SLC6A13: variants seen among roughly 807,000 people sequenced by gnomAD.
SLC6A13 encodes the protein solute carrier family 6 member 13.
A neutral mutation model predicts 72.9 loss-of-function variants in SLC6A13; 69 were observed. That is an observed-to-expected ratio of 0.95 (90% confidence interval 0.78 to 1.16). The LOEUF is 1.16. SLC6A13 is among the 50% of genes most tolerant of loss of function. The pLI is 0.00. For synonymous variants in SLC6A13, 303 were observed against 303.0 expected (o/e 1.00, Z 0.00); for missense variants, 735 against 760.5 (o/e 0.97, Z 0.39).
intron 7 of SLC6A13, among the ~76,000 whole-genome samples, chr12:231,227 G>A (rs970369666): frequency 2.6e-5 from 4 of 152,230 alleles, no homozygotes; most frequent in East Asian, 1.9e-4. Context: ...TGGGGATACC[G>A]GGAAAGGCAG....
At chr12:261,031 G>C (rs1181838190) in intron 1 of SLC6A13, among the ~76,000 whole-genome samples, 1 of 152,178 alleles carries the variant, frequency 6.6e-6, no homozygotes, top group Admixed American at 6.5e-5. Flanking sequence ...ATCAGCGTAA[G>C]GCAGAGATTT....
At chr12:232,575 C>T (rs930964427) in intron 7 of SLC6A13, among the ~76,000 whole-genome samples, 7 of 152,212 alleles carry the variant, frequency 4.6e-5, no homozygotes, top group Non-Finnish European at 8.8e-5. Context: ...CAATGAGGAA[C>T]GTGCACTGGA....
chr12:253,995 A>G (rs892653238), intron 2 of SLC6A13, among the ~76,000 whole-genome samples: 2 of 152,232 alleles, frequency 1.3e-5, no homozygotes, highest in Non-Finnish European at 2.9e-5. Flanking sequence ...CCCGCTGGCT[A>G]TGGACAGTCC....
At chr12:238,375 T>C (rs373724486) in intron 4 of SLC6A13, 1 of 1,300,378 alleles carries the variant, frequency 7.7e-7, no homozygotes. Context: ...AAGTGATGTG[T>C]CAGAGTGGCC....
chr12:260,864 T>C (rs1305319759), intron 1 of SLC6A13, among the ~76,000 whole-genome samples: 1 of 152,222 alleles, frequency 6.6e-6, no homozygotes, highest in Non-Finnish European at 1.5e-5. Flanking sequence ...ATCTATATTT[T>C]CTACAATTAC....
chr12:257,524 G>T (rs960536498), intron 2 of SLC6A13, among the ~76,000 whole-genome samples: 1 of 152,298 alleles, frequency 6.6e-6, no homozygotes, highest in East Asian at 1.9e-4. Context: ...AACATGTCAG[G>T]ACTCTCCACC....
At chr12:238,158 C>A in intron 4 of SLC6A13, 148 bp from the exon 5 acceptor site, 1 of 1,537,678 alleles carries the variant, frequency 6.5e-7, no homozygotes, top group East Asian at 2.4e-5. Flanking sequence ...AACATCCTCC[C>A]ACACGTAATA....
At position 223,167 on chromosome 12, in the gene SLC6A13, G is replaced by A. The variant is rs775539678; in HGVS notation, c.1379C>T (p.Ala460Val). ...AASGMCLLFV[A>V]IFESLCVAWV... ...AGCCACACAGAGGGACTCGAAGATG[G>A]CCACGAACAGGAGGCACATGCCACT... Residue 460 changes from alanine (A) to valine (V), a missense_variant, in exon 12 of 15, where the codon GCC becomes GTC. Physicochemically the swap from Ala to Val is moderately conservative, Grantham distance 64. Coordinates refer to ENST00000343164, the MANE Select transcript of SLC6A13 (RefSeq NM_016615.5). 9.3e-6 allele frequency: 15 copies of A among 1,613,592 alleles called. No individual in the cohort carries two copies. Among genetic ancestry groups the A allele is most frequent in the African/African-American group, 1.3e-5 (1 of 74,926 alleles).
intron 2 of SLC6A13, among the ~76,000 whole-genome samples, chr12:258,650 G>T: frequency 6.6e-6 from 1 of 152,208 alleles, no homozygotes; most frequent in Non-Finnish European, 1.5e-5. Flanking sequence ...CCCTCCAGTA[G>T]TTGGGAAATC....
rs756642544 is a variant in SLC6A13 at position 259,751 on chromosome 12, C to T, written c.202+100G>A. ...TAAGCGTCCTCCTACCTCCAGAATT[C>T]TATACATCTATGGGACTCCCCAGAG... On this transcript the variant is annotated intron_variant, in intron 2 of 14. Coordinates refer to ENST00000343164, the MANE Select transcript of SLC6A13 (RefSeq NM_016615.5). 3.7e-6 allele frequency: 6 copies of T among 1,611,772 alleles called. No homozygotes were observed. In the African/African-American group the frequency reaches 6.7e-5, roughly 18 times the overall value.
Position 259,849 on chromosome 12 carries a change from A to C in SLC6A13, c.202+2T>G, listed in dbSNP as rs754606429. ...GGGGTGGCACAAGGGCTCTCATCTC[A>C]CCTCCCCCATTTTTGTAGCAGAGAT... On this transcript the variant is annotated splice_donor_variant, in intron 2 of 14. Coordinates refer to ENST00000343164, the MANE Select transcript of SLC6A13 (RefSeq NM_016615.5). LOFTEE classifies it high-confidence loss of function. 14 of 1,613,640 alleles carry C rather than the reference A, an allele frequency of 8.7e-6. No homozygotes were observed. The highest frequency in any genetic ancestry group is 1.2e-5 in the Non-Finnish European group (14 of 1,179,908).
At chr12:248,035 C>G (rs1196633973) in intron 2 of SLC6A13, among the ~76,000 whole-genome samples, 1 of 151,096 alleles carries the variant, frequency 6.6e-6, no homozygotes, top group Non-Finnish European at 1.5e-5. Context: ...AAAAAAAAAG[C>G]AGGAGGAGAG....
At chr12:234,285 G>A (rs1236346265) in intron 7 of SLC6A13, among the ~76,000 whole-genome samples, 1 of 152,162 alleles carries the variant, frequency 6.6e-6, no homozygotes, top group East Asian at 1.9e-4. Flanking sequence ...CCATGGCAAC[G>A]TCAGGAAGTT....
chr12:262,757 A>G (rs988713200), intron 1 of SLC6A13, 32 bp downstream of exon 1: 8 of 947,520 alleles, frequency 8.4e-6, no homozygotes, highest in Non-Finnish European at 1.0e-5. Context: ...AGACGCAGAA[A>G]TAGAAAAAAA....
chr12:223,977 T>C lies in SLC6A13; in HGVS notation c.1311+15A>G, dbSNP rs1385825574. The stretch of plus-strand genomic sequence containing the variant: ...CTCCTCCTCCCCAGCCTTCCCCCGC[T>C]TCCCAGGCCCTCACCTCTGTGAGCA... On this transcript the variant is annotated intron_variant, in intron 11 of 14. Transcript: ENST00000343164. The C allele has an allele frequency of 1.9e-6, 3 of 1,602,628 alleles. No individual in the cohort carries two copies. In the Admixed American group the frequency reaches 5.1e-5, roughly 27 times the overall value.
At chr12:247,799 T>A (rs377304108) in intron 2 of SLC6A13, among the ~76,000 whole-genome samples, 1 of 152,074 alleles carries the variant, frequency 6.6e-6, no homozygotes, top group Non-Finnish European at 1.5e-5. Flanking sequence ...TATAAAAATG[T>A]ATAAGAAGAG....
intron 7 of SLC6A13, among the ~76,000 whole-genome samples, chr12:231,676 C>G (rs1029300403): frequency 6.6e-6 from 1 of 152,186 alleles, no homozygotes; most frequent in Non-Finnish European, 1.5e-5. Flanking sequence ...AGAATGGTAT[C>G]CCAGAGTAGA....
chr12:262,638 A>G, intron 1 of SLC6A13, 151 bp downstream of exon 1: 2 of 972,100 alleles, frequency 2.1e-6, no homozygotes, highest in Non-Finnish European at 2.4e-6. Flanking sequence ...AAAATAGCAC[A>G]TAATCTTTGC....
At position 224,399 on chromosome 12, in the gene SLC6A13, A is replaced by G. The variant is rs762881119; in HGVS notation, c.1173+2T>C. ...AGCCTCTGAGTGGCTGCCTCTTGAT[A>G]CCTGGCTATCCAGTCCCAGGAGAAC... On this transcript the variant is annotated splice_donor_variant, in intron 10 of 14. Coordinates refer to ENST00000343164, the MANE Select transcript of SLC6A13 (RefSeq NM_016615.5). LOFTEE classifies it high-confidence loss of function. 1 of 1,611,150 alleles carries G rather than the reference A, an allele frequency of 6.2e-7. No homozygotes were observed. The highest frequency in any genetic ancestry group is 1.7e-5 in the Admixed American group (1 of 60,024).
Sources: allele counts gnomAD v4.1 joint callset (sites outside exome capture counted in the v4.1 genomes callset), GRCh38; gene constraint gnomAD v4.1.1; transcripts MANE v1.5; gene names NCBI Gene and HGNC (gene_info 2026-07-23, HGNC 2026-07-21).